The following MALRD1 variants were observed in gnomAD, a reference collection of about 807,000 sequenced individuals.
The protein encoded by MALRD1 is MAM and LDL-receptor class A domain-containing protein 1.
A neutral mutation model predicts 242.1 loss-of-function variants in MALRD1; 247 were observed. That is an observed-to-expected ratio of 1.02 (90% CI 0.92 to 1.13). The LOEUF is 1.13. Ranked by LOEUF, MALRD1 falls within the 50% of genes most tolerant of loss-of-function variation. The pLI is 0.00. For missense variants in MALRD1, 2,989 were observed against 2,533.1 expected (o/e 1.18, Z -3.86); for synonymous variants, 995 against 866.6 (o/e 1.15, Z -2.60).
chr10:19,439,599 A>C (rs1237458568), intron 28 of MALRD1, among the ~76,000 whole-genome samples: 1 of 152,176 alleles, frequency 6.6e-6, no homozygotes, highest in Non-Finnish European at 1.5e-5. Context: ...GGAACAATAT[A>C]ATTAAAAGTC....
intron 36 of MALRD1, among the ~76,000 whole-genome samples, chr10:19,682,234 C>A (rs1842404498): frequency 6.6e-6 from 1 of 152,146 alleles, no homozygotes; most frequent in Non-Finnish European, 1.5e-5. Flanking sequence ...TTTGTTTTCT[C>A]TGACAATGAG....
rs543583792 is a variant in MALRD1 at position 19,128,257 on chromosome 10, C to T, written c.980C>T (p.Thr327Ile). The T allele has an allele frequency of 1.1e-5, 14 of 1,233,530 alleles. No individual in the cohort carries two copies. In the South Asian group the frequency reaches 5.3e-4, roughly 47 times the overall value. 76.4% of individuals were successfully genotyped at this position (1,233,530 alleles called of 1,614,324 possible). ...TGGGTAGGCGCTAAGCATGGTTTCA[C>T]TCTTAACCATTTAGACAGCAGGGCT... ...YVWVGAKHGF[T>I]LNHLDSRAYL... Residue 327 changes from threonine (T) to isoleucine (I), a missense_variant, in exon 8 of 40, where the codon ACT (threonine) becomes ATT (isoleucine). Thr to Ile is a moderately conservative substitution (Grantham distance 89, BLOSUM62 -1). Transcript: ENST00000454679.
intron 26 of MALRD1, among the ~76,000 whole-genome samples, chr10:19,366,712 C>T (rs1162675569): frequency 1.3e-5 from 2 of 152,116 alleles, no homozygotes; most frequent in Non-Finnish European, 2.9e-5. Context: ...AGACCTTGTG[C>T]ATTAGGCTGC....
chr10:19,404,690 T>C (rs531219954), intron 28 of MALRD1, among the ~76,000 whole-genome samples: 16 of 152,140 alleles, frequency 1.1e-4, no homozygotes, highest in African/African-American at 2.9e-4. Flanking sequence ...TTGTTTTATA[T>C]CACTTCACTC....
At chr10:19,396,155 T>G (rs1433820301) in intron 28 of MALRD1, among the ~76,000 whole-genome samples, 1 of 86,870 alleles carries the variant, frequency 1.2e-5, no homozygotes, top group African/African-American at 4.2e-5. Context: ...TTTTTTTTTT[T>G]TTGATGGAGT....
intron 33 of MALRD1, 60 bp from the exon 34 acceptor site, chr10:19,595,134 A>G (rs1838012865): frequency 2.0e-6 from 3 of 1,472,126 alleles, no homozygotes; most frequent in Non-Finnish European, 2.7e-6. Context: ...GTAATGTCCC[A>G]ACACTGGATG....
intron 24 of MALRD1, among the ~76,000 whole-genome samples, chr10:19,340,435 G>A (rs116465380): frequency 0.015 from 2,318 of 151,866 alleles, 51 homozygotes; most frequent in African/African-American, 0.044. Context: ...TGTGGGTGGA[G>A]TCCAGGCTTG....
chr10:19,342,566 G>C (rs1039221456), intron 24 of MALRD1, among the ~76,000 whole-genome samples: 1 of 152,098 alleles, frequency 6.6e-6, no homozygotes, highest in East Asian at 1.9e-4. Context: ...AGATAATTTA[G>C]TCATATATAA....
intron 18 of MALRD1, among the ~76,000 whole-genome samples, chr10:19,239,279 C>T (rs1838651370): frequency 6.6e-6 from 1 of 152,042 alleles, no homozygotes; most frequent in African/African-American, 2.4e-5. Context: ...AGGCTGTTCT[C>T]AAACTCCTGA....
chr10:19,707,198 C>A (rs541671433), intron 38 of MALRD1, among the ~76,000 whole-genome samples: 19 of 151,706 alleles, frequency 1.3e-4, no homozygotes, highest in African/African-American at 4.4e-4. Context: ...TCCTCCTTCT[C>A]TTCCTCCTTC....
At chr10:19,341,528 A>G (rs1248815696) in intron 24 of MALRD1, among the ~76,000 whole-genome samples, 2 of 145,930 alleles carry the variant, frequency 1.4e-5, no homozygotes, top group Admixed American at 7.0e-5. Flanking sequence ...ATATATGTAT[A>G]TATATACACA....
At chr10:19,440,252 G>A (rs1834559684) in intron 28 of MALRD1, among the ~76,000 whole-genome samples, 2 of 152,022 alleles carry the variant, frequency 1.3e-5, no homozygotes, top group Non-Finnish European at 2.9e-5. Flanking sequence ...TTGTATTATG[G>A]TAAAGCTTAT....
At chr10:19,518,205 C>A (rs535410633) in intron 31 of MALRD1, among the ~76,000 whole-genome samples, 4 of 152,294 alleles carry the variant, frequency 2.6e-5, no homozygotes, top group African/African-American at 9.6e-5. Context: ...AGTTTGTGTA[C>A]ATACTAAGTT....
intron 33 of MALRD1, among the ~76,000 whole-genome samples, chr10:19,571,912 C>T (rs986252030): frequency 6.6e-6 from 1 of 152,104 alleles, no homozygotes. Flanking sequence ...CTGCTCAGGT[C>T]CAGATTAACA....
chr10:19,397,303 C>A (rs1357438797), intron 28 of MALRD1, among the ~76,000 whole-genome samples: 1 of 152,114 alleles, frequency 6.6e-6, no homozygotes, highest in East Asian at 1.9e-4. Context: ...CTATGAGATA[C>A]ATGTTTTTAG....
chr10:19,568,694 T>A (rs564457076), intron 33 of MALRD1, among the ~76,000 whole-genome samples: 2 of 151,948 alleles, frequency 1.3e-5, no homozygotes, highest in Admixed American at 1.3e-4. Context: ...GAAAAAAATA[T>A]ATATTCTAGA....
intron 2 of MALRD1, among the ~76,000 whole-genome samples, chr10:19,081,651 C>T (rs972864280): frequency 9.9e-5 from 15 of 151,984 alleles, no homozygotes; most frequent in African/African-American, 3.6e-4. Context: ...GGAAGAATAC[C>T]TAATGGATGC....
intron 19 of MALRD1, among the ~76,000 whole-genome samples, chr10:19,278,015 A>G (rs1487664201): frequency 6.6e-6 from 1 of 152,174 alleles, no homozygotes; most frequent in East Asian, 1.9e-4. Context: ...CTTGAAATAG[A>G]CATTTTATAT....
At chr10:19,298,039 TA>T (rs1841786977) in intron 21 of MALRD1, among the ~76,000 whole-genome samples, 1 of 152,012 alleles carries the variant, frequency 6.6e-6, no homozygotes, top group Non-Finnish European at 1.5e-5. Context: ...TGAGACTGAA[TA>T]ATATATAAAT....
Sources: allele counts gnomAD v4.1 joint callset (sites outside exome capture counted in the v4.1 genomes callset), GRCh38; gene constraint gnomAD v4.1.1; transcripts MANE v1.5; gene names NCBI Gene and HGNC (gene_info 2026-07-23, HGNC 2026-07-21).